Variants in SYTL3 observed in about 807,000 individuals in gnomAD.
The protein encoded by SYTL3 is synaptotagmin-like protein 3.
SYTL3 carries 88 observed loss-of-function variants against 82.1 expected under a neutral mutation model. The observed-to-expected ratio is 1.07, with a 90% confidence interval of 0.90 to 1.28. The LOEUF (loss-of-function observed/expected upper bound fraction) is 1.28. SYTL3 is among the 50% of genes most tolerant of loss of function. The pLI, the probability that SYTL3 is intolerant of heterozygous loss-of-function variation, is 0.00. For synonymous variants in SYTL3, 311 were observed against 289.4 expected (o/e 1.07, Z -0.76); for missense variants, 831 against 757.6 (o/e 1.10, Z -1.14).
intron 6 of SYTL3, among the ~76,000 whole-genome samples, chr6:158,702,919 C>T (rs1013059430): frequency 4.6e-5 from 7 of 152,026 alleles, no homozygotes; most frequent in African/African-American, 1.7e-4. Flanking sequence ...CCTTGGGAGG[C>T]CGAGGCGGAC....
At chr6:158,726,184 T>C (rs1212326849) in intron 11 of SYTL3, 3 of 426,444 alleles carry the variant, frequency 7.0e-6, no homozygotes, top group Non-Finnish European at 1.4e-5. Context: ...TAAAAATCAC[T>C]GCCATACTTA....
At chr6:158,699,528 G>C (rs955955974) in intron 6 of SYTL3, among the ~76,000 whole-genome samples, 7 of 152,202 alleles carry the variant, frequency 4.6e-5, no homozygotes, top group African/African-American at 1.7e-4. Context: ...TGGTGTTTGA[G>C]CCACACGCGG....
At chr6:158,697,320 C>T (rs1046027325) in intron 6 of SYTL3, among the ~76,000 whole-genome samples, 1 of 150,630 alleles carries the variant, frequency 6.6e-6, no homozygotes, top group Non-Finnish European at 1.5e-5. Flanking sequence ...CATGGTGGTC[C>T]ACGCCTGTGG....
At chr6:158,690,795 G>T (rs1187317193) in intron 6 of SYTL3, among the ~76,000 whole-genome samples, 3 of 152,104 alleles carry the variant, frequency 2.0e-5, no homozygotes, top group African/African-American at 7.2e-5. Context: ...TGCCACCGTG[G>T]TGGTTCATCT....
intron 11 of SYTL3, among the ~76,000 whole-genome samples, chr6:158,730,052 C>T (rs2128488253): frequency 6.6e-6 from 1 of 152,240 alleles, no homozygotes; most frequent in South Asian, 2.1e-4. Flanking sequence ...GTACTTTAAC[C>T]AAGATATTTG....
intron 8 of SYTL3, among the ~76,000 whole-genome samples, chr6:158,708,648 G>T (rs547140482): frequency 3.9e-5 from 6 of 152,276 alleles, no homozygotes; most frequent in African/African-American, 1.2e-4. Flanking sequence ...TTTACTCTTG[G>T]CATGGCATCG....
At chr6:158,649,459 C>A, upstream of SYTL3, among the ~76,000 whole-genome samples, 1 of 152,234 alleles carries the variant, frequency 6.6e-6, no homozygotes, top group East Asian at 1.9e-4. Flanking sequence ...CTACGTGGCA[C>A]GTGGCACCTT....
At chr6:158,679,964 C>T (rs1199041140) in intron 5 of SYTL3, among the ~76,000 whole-genome samples, 2 of 152,156 alleles carry the variant, frequency 1.3e-5, no homozygotes, top group Admixed American at 1.3e-4. Context: ...ATTTTGGGCC[C>T]AGTGGTAACG....
chr6:158,647,952 A>G (rs1188338036), upstream of SYTL3, among the ~76,000 whole-genome samples: 1 of 152,224 alleles, frequency 6.6e-6, no homozygotes, highest in Non-Finnish European at 1.5e-5. Flanking sequence ...TGTGGGCCTA[A>G]TAATCATAGC....
At chr6:158,704,792 C>A (rs543731017) in intron 6 of SYTL3, among the ~76,000 whole-genome samples, 1 of 152,382 alleles carries the variant, frequency 6.6e-6, no homozygotes, top group South Asian at 2.1e-4. Context: ...CCTCAGGATA[C>A]TGTTGCCACA....
intron 12 of SYTL3, among the ~76,000 whole-genome samples, chr6:158,751,039 G>A (rs949328064): frequency 3.9e-5 from 6 of 152,120 alleles, no homozygotes; most frequent in East Asian, 1.9e-4. Flanking sequence ...CAGGTGATCC[G>A]TCCACTTCAT....
intron 14 of SYTL3, among the ~76,000 whole-genome samples, chr6:158,757,596 C>T (rs557440785): frequency 3.1e-5 from 4 of 127,920 alleles, no homozygotes; most frequent in African/African-American, 8.5e-5. Flanking sequence ...TTCAGGTACC[C>T]GAACAGCCCC....
rs780061584 is a variant in SYTL3 at position 158,665,637 on chromosome 6, C to T, written c.329+24C>T. 2.6e-6 allele frequency: 4 copies of T among 1,510,864 alleles called. No homozygotes were observed. The South Asian group carries it at 3.7e-5, about 14-fold the overall frequency. The allele number at this position is 1,510,864 out of a possible 1,614,324, so 93.6% of individuals were successfully genotyped here. A position where few individuals can be genotyped will look rare whatever the true frequency, so the allele number is the denominator to read the frequency against. ...AGGTAAGCATGGCCGGTGGTTGGAT[C>T]CCTCCCACTGATTCAGGTCTCGGAG... On this transcript the variant is annotated intron_variant, in intron 5 of 17. Coordinates refer to ENST00000611299, the MANE Select transcript of SYTL3 (RefSeq NM_001242394.2).
At chr6:158,678,393 C>T (rs1778300139) in intron 5 of SYTL3, among the ~76,000 whole-genome samples, 2 of 152,188 alleles carry the variant, frequency 1.3e-5, no homozygotes, top group Admixed American at 1.3e-4. Context: ...TTTCTTGGAA[C>T]ATACAGTGTA....
chr6:158,688,723 G>A (rs558399904), intron 6 of SYTL3, among the ~76,000 whole-genome samples: 69 of 152,286 alleles, frequency 4.5e-4, no homozygotes, highest in Non-Finnish European at 8.5e-4. Flanking sequence ...TATTATTTCT[G>A]TTCTTTTGTG....
chr6:158,646,696 C>T (rs1269328673), upstream of SYTL3, among the ~76,000 whole-genome samples: 3 of 152,234 alleles, frequency 2.0e-5, no homozygotes, highest in African/African-American at 7.2e-5. Flanking sequence ...CACACCTGGT[C>T]TTCCTCTCCT....
chr6:158,672,550 T>A (rs1276161294), intron 5 of SYTL3, among the ~76,000 whole-genome samples: 5 of 133,398 alleles, frequency 3.7e-5, no homozygotes, highest in Non-Finnish European at 6.1e-5. Flanking sequence ...ACTGGTTTTT[T>A]TGTTTCTTTT....
At chr6:158,657,425 C>CAAAAAAAAA (rs535361947) in intron 2 of SYTL3, among the ~76,000 whole-genome samples, 3 of 80,134 alleles carry the variant, frequency 3.7e-5, no homozygotes, top group African/African-American at 5.1e-5. Flanking sequence ...GACTCTGGCT[C>CAAAAAAAAA]AAAAAAAAAA....
chr6:158,653,324 T>A (rs1027995156), intron 2 of SYTL3, among the ~76,000 whole-genome samples: 1 of 151,978 alleles, frequency 6.6e-6, no homozygotes. Context: ...CTGACCAACA[T>A]GAAGAAACCC....
Sources: allele counts gnomAD v4.1 joint callset (sites outside exome capture counted in the v4.1 genomes callset), GRCh38; gene constraint gnomAD v4.1.1; transcripts MANE v1.5; gene names NCBI Gene and HGNC (gene_info 2026-07-23, HGNC 2026-07-21).